The following CSMD1 variants were observed in gnomAD, a reference collection of about 807,000 sequenced individuals.
CSMD1 encodes CUB and Sushi multiple domains 1.
Under a neutral mutation model 417.5 loss-of-function variants are expected in CSMD1, and 213 were observed. The observed-to-expected ratio is 0.51, with a 90% CI of 0.46 to 0.57. The LOEUF is 0.57. CSMD1 is among the 20% of genes least tolerant of loss of function. The pLI, the probability that CSMD1 is intolerant of heterozygous loss-of-function variation, is 0.00. For synonymous variants in CSMD1, 2,862 were observed against 1,736.8 expected (o/e 1.65, Z -16.11); for missense variants, 6,923 against 4,529.7 (o/e 1.53, Z -15.17).
chr8:3,638,858 A>C (rs1389395229), intron 7 of CSMD1, among the ~76,000 whole-genome samples: 2 of 152,172 alleles, frequency 1.3e-5, no homozygotes, highest in Admixed American at 6.5e-5. Context: ...CTGGAATATA[A>C]AGATAAAACT....
At chr8:4,877,294 A>G (rs1285144060) in intron 1 of CSMD1, among the ~76,000 whole-genome samples, 2 of 152,104 alleles carry the variant, frequency 1.3e-5, no homozygotes, top group Non-Finnish European at 2.9e-5. Flanking sequence ...TACAGGAAAT[A>G]TAAGATTGGC....
At chr8:3,073,893 G>A (rs998843869) in intron 49 of CSMD1, among the ~76,000 whole-genome samples, 4 of 151,998 alleles carry the variant, frequency 2.6e-5, no homozygotes, top group African/African-American at 7.2e-5. Flanking sequence ...AGATGTGCAA[G>A]AATTAAGAAG....
intron 3 of CSMD1, among the ~76,000 whole-genome samples, chr8:4,280,973 T>G (rs62478565): frequency 0.096 from 14,615 of 152,220 alleles, 876 homozygotes; most frequent in Non-Finnish European, 0.14. Flanking sequence ...AGTTTCCCAG[T>G]AATAGAATAA....
chr8:4,473,302 G>C (rs1159981388), intron 2 of CSMD1, among the ~76,000 whole-genome samples: 2 of 152,154 alleles, frequency 1.3e-5, no homozygotes, highest in African/African-American at 2.4e-5. Flanking sequence ...ATCAATGTGA[G>C]TTCTTAACAC....
At chr8:4,330,600 A>AG (rs1163542164) in intron 3 of CSMD1, among the ~76,000 whole-genome samples, 1 of 151,864 alleles carries the variant, frequency 6.6e-6, no homozygotes, top group East Asian at 1.9e-4. Flanking sequence ...AAAAAAAAAA[A>AG]AAGTATTTTG....
chr8:4,207,612 C>A (rs1162025565), intron 3 of CSMD1, among the ~76,000 whole-genome samples: 1 of 152,038 alleles, frequency 6.6e-6, no homozygotes, highest in Non-Finnish European at 1.5e-5. Flanking sequence ...TTCAGTAAGA[C>A]TGGCAACATT....
chr8:3,751,190 T>A (rs1343830921), intron 6 of CSMD1, among the ~76,000 whole-genome samples: 1 of 152,066 alleles, frequency 6.6e-6, no homozygotes, highest in Non-Finnish European at 1.5e-5. Flanking sequence ...TGTTTCCTAA[T>A]GCATTACTGT....
intron 7 of CSMD1, among the ~76,000 whole-genome samples, chr8:3,646,030 A>C (rs1181327389): frequency 1.3e-5 from 2 of 150,380 alleles, no homozygotes; most frequent in East Asian, 3.9e-4. Flanking sequence ...CAAAAACTAG[A>C]AATATTCTAA....
At chr8:4,583,077 C>T (rs1270728672) in intron 2 of CSMD1, among the ~76,000 whole-genome samples, 1 of 152,222 alleles carries the variant, frequency 6.6e-6, no homozygotes, top group Non-Finnish European at 1.5e-5. Context: ...GGGCAGGGCT[C>T]AGGACCTGCA....
chr8:4,720,804 A>C (rs1396914079), intron 1 of CSMD1, among the ~76,000 whole-genome samples: 1 of 152,142 alleles, frequency 6.6e-6, no homozygotes, highest in African/African-American at 2.4e-5. Flanking sequence ...ATTCCATCTA[A>C]AGATCAACAA....
Position 3,290,007 on chromosome 8 carries a change from G to C in CSMD1, c.3951-5661C>G, listed in dbSNP as rs577920622. Reference sequence around the variant, plus strand: ...CCATCTTGAATTAATTTTTGTGTAAGGTGTAAGGAAGGGATCCAGTTTCAG... The same window carrying C: ...CCATCTTGAATTAATTTTTGTGTAACGTGTAAGGAAGGGATCCAGTTTCAG... On this transcript the variant is annotated intron_variant, in intron 25 of 69. Transcript: ENST00000635120. 1.3e-3 allele frequency among the ~76,000 whole-genome samples: 189 copies of C among 147,400 alleles called. 29 individuals carry two copies. Among genetic ancestry groups the C allele is most frequent in the African/African-American group, 5.0e-3 (186 of 37,190 alleles).
Position 4,616,820 on chromosome 8 carries a change from C to T in CSMD1, c.302+20522G>A, listed in dbSNP as rs943625365. On this transcript the variant is annotated intron_variant, in intron 2 of 69. Transcript: ENST00000635120. ...AGAGGAAAAAACTAAAGACAAGAAACTCATTTTGGTCTTCTGGGCTTATTC... is the reference window on the plus strand; with the variant it reads ...AGAGGAAAAAACTAAAGACAAGAAATTCATTTTGGTCTTCTGGGCTTATTC... Among the ~76,000 whole-genome samples the T allele has an allele frequency of 2.6e-5, 4 of 152,234 alleles. No individual in the cohort carries two copies. In the East Asian group the frequency reaches 7.7e-4, roughly 29 times the overall value.
At chr8:3,837,211 A>G (rs894271599) in intron 5 of CSMD1, among the ~76,000 whole-genome samples, 5 of 152,162 alleles carry the variant, frequency 3.3e-5, no homozygotes, top group African/African-American at 1.2e-4. Context: ...ACATTGGCCA[A>G]TTATTCCAGA....
intron 3 of CSMD1, among the ~76,000 whole-genome samples, chr8:4,162,996 C>G (rs1016706113): frequency 3.7e-4 from 56 of 152,228 alleles, no homozygotes; most frequent in African/African-American, 1.3e-3. Flanking sequence ...AGTGGGTAAC[C>G]TTTTCAGACT....
intron 1 of CSMD1, among the ~76,000 whole-genome samples, chr8:4,959,735 C>T (rs1004585533): frequency 2.0e-5 from 3 of 152,172 alleles, no homozygotes; most frequent in Non-Finnish European, 4.4e-5. Flanking sequence ...TCCTAATGAC[C>T]AACTTACACC....
At chr8:4,826,289 G>A (rs187752350) in intron 1 of CSMD1, among the ~76,000 whole-genome samples, 26 of 151,730 alleles carry the variant, frequency 1.7e-4, no homozygotes, top group African/African-American at 4.6e-4. Flanking sequence ...ACACACATAC[G>A]TATATGTATG....
intron 1 of CSMD1, among the ~76,000 whole-genome samples, chr8:4,844,759 C>G (rs1801034095): frequency 6.6e-6 from 1 of 152,150 alleles, no homozygotes; most frequent in African/African-American, 2.4e-5. Context: ...CAGTGATAAG[C>G]TTAATTAATT....
intron 27 of CSMD1, among the ~76,000 whole-genome samples, chr8:3,227,505 T>A (rs560406960): frequency 1.3e-5 from 2 of 152,180 alleles, no homozygotes; most frequent in African/African-American, 4.8e-5. Flanking sequence ...TGAGTGCTCA[T>A]TGAAGCTATC....
chr8:4,003,671 T>C (rs1355777217), intron 4 of CSMD1, among the ~76,000 whole-genome samples: 1 of 152,210 alleles, frequency 6.6e-6, no homozygotes, highest in East Asian at 1.9e-4. Flanking sequence ...AAAACTGATC[T>C]AGTTGTATGT....
Sources: gnomAD v4.1 joint callset for allele counts (sites outside exome capture counted in the v4.1 genomes callset) on GRCh38, gnomAD v4.1.1 for gene constraint, MANE v1.5 for transcripts, NCBI Gene and HGNC (gene_info 2026-07-23, HGNC 2026-07-21) for gene names.